The following PAPOLA variants were observed in gnomAD, a reference collection of about 807,000 sequenced individuals.
PAPOLA encodes the protein poly(A) polymerase alpha.
In PAPOLA, 15 loss-of-function variants were observed where a neutral mutation model predicts 100.6. The ratio of observed to expected loss-of-function variants is 0.15; its 90% CI spans 0.10 to 0.23. The LOEUF (loss-of-function observed/expected upper bound fraction) is 0.23, where lower values mean the gene tolerates loss of function less well. Ranked by LOEUF, PAPOLA falls within the 10% of genes least tolerant of loss-of-function variation. The pLI, the probability that PAPOLA is intolerant of heterozygous loss-of-function variation, is 1.00. For missense variants in PAPOLA, 533 were observed against 884.2 expected (o/e 0.60, Z 5.04); for synonymous variants, 293 against 300.0 (o/e 0.98, Z 0.24).
At chr14:96,530,008 A>G (rs554938932) in intron 6 of PAPOLA, among the ~76,000 whole-genome samples, 2 of 152,354 alleles carry the variant, frequency 1.3e-5, no homozygotes, top group East Asian at 3.9e-4. Flanking sequence ...TACAGACATA[A>G]AAGTTCTCAG....
At chr14:96,532,284 T>TTGTGTG (rs10533972) in intron 7 of PAPOLA, 47 bp from the exon 8 acceptor site, 8 of 1,431,862 alleles carry the variant, frequency 5.6e-6, no homozygotes, top group African/African-American at 1.5e-5. Flanking sequence ...TTGTTTTGTT[T>TTGTGTG]TGTGTGTGTG....
At chr14:96,548,147 C>T (rs1003089912) in intron 16 of PAPOLA, among the ~76,000 whole-genome samples, 6 of 152,042 alleles carry the variant, frequency 3.9e-5, no homozygotes, top group African/African-American at 7.2e-5. Flanking sequence ...GCTTCATATC[C>T]TTACTTTGTA....
At chr14:96,524,489 G>GTTCCCC (rs1287044884) in intron 3 of PAPOLA, among the ~76,000 whole-genome samples, 3 of 150,186 alleles carry the variant, frequency 2.0e-5, no homozygotes, top group Non-Finnish European at 3.0e-5. Context: ...TCCCCTTCCC[G>GTTCCCC]TTCCCCTTCC....
chr14:96,544,433 A>G (rs976329231), intron 15 of PAPOLA, among the ~76,000 whole-genome samples, 175 bp downstream of exon 15: 4 of 152,040 alleles, frequency 2.6e-5, no homozygotes, highest in Non-Finnish European at 4.4e-5. Context: ...CTTATCCACA[A>G]TGCTTGGGAC....
Position 96,528,009 on chromosome 14 carries a change from A to G in PAPOLA, c.495+3A>G, listed in dbSNP as rs1261717888. The G allele has an allele frequency of 6.3e-7, 1 of 1,583,592 alleles. No individual in the cohort carries two copies. Among genetic ancestry groups the G allele is most frequent in the East Asian group, 2.2e-5 (1 of 44,662 alleles). ...AACTCTGTTTTGATGGGATAGAGGT[A>G]AGGTATAGTTCAAATTGACAGTTCT... On this transcript the variant is annotated splice_donor_region_variant and intron_variant, in intron 6 of 21. Transcript: ENST00000216277.
intron 1 of PAPOLA, among the ~76,000 whole-genome samples, chr14:96,511,907 C>T (rs944898205): frequency 2.6e-5 from 4 of 152,128 alleles, no homozygotes; most frequent in African/African-American, 9.7e-5. Flanking sequence ...CAGAGTATTG[C>T]ACTAAAAAGC....
chr14:96,523,760 T>C (rs1898220811), intron 3 of PAPOLA, among the ~76,000 whole-genome samples: 1 of 152,110 alleles, frequency 6.6e-6, no homozygotes, highest in African/African-American at 2.4e-5. Context: ...CTGACTAACA[T>C]GGTGAAACCC....
chr14:96,565,522 T>A lies in PAPOLA; in HGVS notation c.*472T>A, dbSNP rs1902203615. 1 of 410,746 alleles carries A rather than the reference T, an allele frequency of 2.4e-6. No individual in the cohort carries two copies. Among genetic ancestry groups the A allele is most frequent in the Non-Finnish European group, 4.3e-6 (1 of 231,844 alleles). 25.4% of individuals were successfully genotyped at this position (410,746 alleles called of 1,614,324 possible). A position where few individuals can be genotyped will look rare whatever the true frequency, so the allele number is the denominator to read the frequency against. On this transcript the variant is annotated 3_prime_UTR_variant, in exon 22 of 22. Transcript: ENST00000216277. Reference sequence around the variant, plus strand: ...TTTTCTTTACCATTAGTCTTCAAATTGGATACTGTTGTGCAGTGGTGTACT... The same window carrying A: ...TTTTCTTTACCATTAGTCTTCAAATAGGATACTGTTGTGCAGTGGTGTACT...
In PAPOLA at chr14:96,533,075, A is replaced by G. The variant is rs983513470; in HGVS notation, c.836+426A>G. The G allele has an allele frequency of 1.3e-5, 13 of 979,198 alleles. No individual in the cohort carries two copies. In the Admixed American group the frequency reaches 1.8e-4, roughly 14 times the overall value. The allele number at this position is 979,198 out of a possible 1,614,324, so 60.7% of individuals were successfully genotyped here. Reference sequence around the variant, plus strand: ...GCTTTCAGCATTTATTTGGCCTAATATTAAAGATACGAATTTTCATAAGAA... The same window carrying G: ...GCTTTCAGCATTTATTTGGCCTAATGTTAAAGATACGAATTTTCATAAGAA... On this transcript the variant is annotated intron_variant, in intron 9 of 21. Transcript: ENST00000216277.
At chr14:96,527,230 G>C (rs907750009) in intron 4 of PAPOLA, 200 bp from the exon 5 acceptor site, 10 of 535,916 alleles carry the variant, frequency 1.9e-5, no homozygotes, top group Non-Finnish European at 3.0e-5. Context: ...AATAGAGGAT[G>C]CTGCAGGATC....
chr14:96,509,453 A>T (rs905594044), intron 1 of PAPOLA, among the ~76,000 whole-genome samples: 1 of 152,260 alleles, frequency 6.6e-6, no homozygotes, highest in Non-Finnish European at 1.5e-5. Context: ...TATATAAACA[A>T]AAGTAACATA....
intron 16 of PAPOLA, 149 bp from the exon 17 acceptor site, chr14:96,552,331 T>A: frequency 1.5e-6 from 1 of 684,514 alleles, no homozygotes; most frequent in South Asian, 2.0e-5. Flanking sequence ...AATCGTTGCC[T>A]TTTAGAGTCA....
At chr14:96,507,380 C>T (rs1211093524) in intron 1 of PAPOLA, among the ~76,000 whole-genome samples, 3 of 144,914 alleles carry the variant, frequency 2.1e-5, no homozygotes, top group Non-Finnish European at 3.0e-5. Flanking sequence ...CTCCGTCTTC[C>T]GGGTTCACGC....
intron 14 of PAPOLA, 67 bp downstream of exon 14, chr14:96,542,960 G>A: frequency 6.5e-7 from 1 of 1,537,306 alleles, no homozygotes; most frequent in Non-Finnish European, 8.9e-7. Context: ...GCTTTTACAG[G>A]CATTTTTTAT....
At chr14:96,508,542 G>A (rs528943248) in intron 1 of PAPOLA, among the ~76,000 whole-genome samples, 1 of 152,334 alleles carries the variant, frequency 6.6e-6, no homozygotes, top group East Asian at 1.9e-4. Context: ...TAAGGCAGAA[G>A]CCAGTTCTGG....
chr14:96,559,309 G>A (rs1300250870), intron 19 of PAPOLA, among the ~76,000 whole-genome samples: 4 of 151,744 alleles, frequency 2.6e-5, no homozygotes, highest in Admixed American at 6.6e-5. Flanking sequence ...TCTTAATTGG[G>A]TCTTTTATTC....
intron 4 of PAPOLA, 32 bp downstream of exon 4, chr14:96,525,423 A>G: frequency 1.1e-6 from 1 of 884,900 alleles, no homozygotes; most frequent in Non-Finnish European, 1.8e-6. Context: ...TTAGAAAGGG[A>G]CCCTTTAGTT....
intron 3 of PAPOLA, among the ~76,000 whole-genome samples, chr14:96,523,870 G>A (rs535970155): frequency 3.6e-4 from 54 of 151,990 alleles, no homozygotes; most frequent in African/African-American, 1.2e-3. Context: ...TTGAACCGAG[G>A]AGGCAGAGGT....
In PAPOLA at chr14:96,521,033, C is replaced by G; in HGVS notation, c.210C>G (p.Asn70Lys). The change falls in exon 3 of 22, where the codon AAC becomes AAG. Residue 70 changes from asparagine (N) to lysine (K), a missense_variant. By Grantham distance (94) the Asn-to-Lys change is moderately conservative (BLOSUM62 0). Coordinates refer to ENST00000216277, the MANE Select transcript of PAPOLA (RefSeq NM_032632.5). The part of the protein sequence containing the change: ...RRILILGKLN[N>K]LVKEWIREIS... ...TTTTAATTTTGGGAAAACTAAATAA[C>G]CTGGTAAAAGAGTGGATACGAGAAA... The G allele has an allele frequency of 6.4e-7, 1 of 1,555,666 alleles. No individual in the cohort carries two copies. The highest frequency in any genetic ancestry group is 8.9e-7 in the Non-Finnish European group (1 of 1,127,754).
Sources: gnomAD v4.1 joint callset for allele counts (sites outside exome capture counted in the v4.1 genomes callset) on GRCh38, gnomAD v4.1.1 for gene constraint, MANE v1.5 for transcripts, NCBI Gene and HGNC (gene_info 2026-07-23, HGNC 2026-07-21) for gene names.